TBCK: variants seen among roughly 807,000 people sequenced by gnomAD.
The protein encoded by TBCK is TBC domain-containing protein kinase-like protein.
TBCK carries 99 observed loss-of-function variants against 113.4 expected under a neutral mutation model. That is an observed-to-expected ratio of 0.87 (90% CI 0.74 to 1.03). The LOEUF is 1.03. Among genes scored for constraint, TBCK ranks in the 50% least tolerant of loss-of-function variants. The probability of loss-of-function intolerance (pLI) is 0.00; values close to 1 mark genes in which losing one functional copy is unlikely to be tolerated. For missense variants in TBCK, 1,045 were observed against 1,061.3 expected, an observed-to-expected ratio of 0.98 and a Z score of 0.21; for synonymous variants, 369 against 370.8, an observed-to-expected ratio of 1.00 and a Z score of 0.05.
chr4:106,228,605 A>G (rs909273567), intron 19 of TBCK, among the ~76,000 whole-genome samples: 1 of 152,004 alleles, frequency 6.6e-6, no homozygotes, highest in Non-Finnish European at 1.5e-5. Flanking sequence ...ATAGTACTCC[A>G]TTGTGTATTA....
At chr4:106,192,921 T>A (rs1441757496) in intron 22 of TBCK, among the ~76,000 whole-genome samples, 1 of 152,134 alleles carries the variant, frequency 6.6e-6, no homozygotes, top group Non-Finnish European at 1.5e-5. Context: ...GTGAAGTTTT[T>A]TCACCTAAAA....
At chr4:106,131,271 AT>A (rs1296363780) in intron 23 of TBCK, among the ~76,000 whole-genome samples, 8 of 152,196 alleles carry the variant, frequency 5.3e-5, no homozygotes, top group Middle Eastern at 3.2e-3. Flanking sequence ...TGTTTCCTTT[AT>A]AAATTACCCA....
intron 20 of TBCK, among the ~76,000 whole-genome samples, chr4:106,209,050 G>C (rs915530467): frequency 9.2e-5 from 14 of 152,330 alleles, no homozygotes; most frequent in African/African-American, 2.9e-4. Context: ...GGCCAAGTGA[G>C]ACATGGGCAG....
In TBCK at chr4:106,174,196, C is replaced by A. The variant is rs138009461; in HGVS notation, c.2060-2926G>T. Among the ~76,000 whole-genome samples the A allele has an allele frequency of 5.6e-3, 852 of 152,206 alleles. 10 individuals are homozygous for A. Among genetic ancestry groups the A allele is most frequent in the African/African-American group, 0.02 (822 of 41,546 alleles). On this transcript the variant is annotated intron_variant, in intron 22 of 25. Coordinates refer to ENST00000394708, the MANE Select transcript of TBCK (RefSeq NM_001163435.3). Reference sequence around the variant, plus strand: ...AACTTCTCTTTACCATTATCCAATTCTCTTAGGCTATCCCCTATATTTGAT... The same window carrying A: ...AACTTCTCTTTACCATTATCCAATTATCTTAGGCTATCCCCTATATTTGAT...
At chr4:106,273,727 T>C (rs1211567731) in intron 3 of TBCK, among the ~76,000 whole-genome samples, 1 of 152,232 alleles carries the variant, frequency 6.6e-6, no homozygotes, top group Non-Finnish European at 1.5e-5. Context: ...AGCCAAGGAA[T>C]GCCAACAGGC....
chr4:106,103,947 G>A (rs1345398302), intron 24 of TBCK, among the ~76,000 whole-genome samples: 1 of 152,162 alleles, frequency 6.6e-6, no homozygotes, highest in Admixed American at 6.5e-5. Context: ...GTGAATGAAC[G>A]GCCCCAGAAA....
intron 1 of TBCK, among the ~76,000 whole-genome samples, chr4:106,312,103 TA>T (rs1335719956): frequency 6.6e-6 from 1 of 152,094 alleles, no homozygotes; most frequent in Non-Finnish European, 1.5e-5. Context: ...AACATCTGCA[TA>T]TCCAAAGGCA....
chr4:106,215,720 T>C (rs1400682701), intron 19 of TBCK, among the ~76,000 whole-genome samples: 1 of 151,356 alleles, frequency 6.6e-6, no homozygotes, highest in Non-Finnish European at 1.5e-5. Flanking sequence ...ATAAAGCAAG[T>C]CCTGAGTGAC....
chr4:106,104,377 C>T (rs1741899402), intron 24 of TBCK, among the ~76,000 whole-genome samples: 1 of 152,238 alleles, frequency 6.6e-6, no homozygotes, highest in Non-Finnish European at 1.5e-5. Context: ...GACACCTTAG[C>T]CATTCCAGCC....
At chr4:106,152,859 A>C (rs1249376050) in intron 23 of TBCK, among the ~76,000 whole-genome samples, 3 of 152,010 alleles carry the variant, frequency 2.0e-5, no homozygotes, top group Non-Finnish European at 4.4e-5. Flanking sequence ...TTTCCAATTT[A>C]TTGGCATATA....
chr4:106,232,770 A>G (rs150393070), intron 17 of TBCK, among the ~76,000 whole-genome samples, 168 bp downstream of exon 17: 1 of 152,060 alleles, frequency 6.6e-6, no homozygotes, highest in Non-Finnish European at 1.5e-5. Flanking sequence ...GGATTTAGAC[A>G]AAGATTTTTA....
chr4:106,097,117 GTTA>G (rs1421201399), intron 24 of TBCK, among the ~76,000 whole-genome samples: 1 of 151,996 alleles, frequency 6.6e-6, no homozygotes, highest in Admixed American at 6.6e-5. Flanking sequence ...ATGTCATAAA[GTTA>G]TTATCCTATT....
chr4:106,247,424 A>C, intron 9 of TBCK, 137 bp from the exon 10 acceptor site: 1 of 702,386 alleles, frequency 1.4e-6, no homozygotes, highest in South Asian at 1.9e-5. Context: ...TCTTTTGCAG[A>C]GTCTAGATGC....
At chr4:106,064,054 G>A (rs1034248154) in intron 25 of TBCK, among the ~76,000 whole-genome samples, 2 of 151,860 alleles carry the variant, frequency 1.3e-5, no homozygotes, top group African/African-American at 4.8e-5. Context: ...GTAATGGGGA[G>A]CCGGGAGAGG....
Position 106,157,756 on chromosome 4 carries a change from T to C in TBCK, c.2235+13339A>G, listed in dbSNP as rs532655270. Among the ~76,000 whole-genome samples, 37 of 152,276 alleles carry C rather than the reference T, an allele frequency of 2.4e-4. No individual in the cohort carries two copies. In the South Asian group the frequency reaches 7.5e-3, roughly 31 times the overall value. On this transcript the variant is annotated intron_variant, in intron 23 of 25. Transcript: ENST00000394708. ...GACATGAAGTTAAAACCAGGTACTG[T>C]GAGTGCTCATCTAGTTTTTGGTTCT...
intron 24 of TBCK, among the ~76,000 whole-genome samples, chr4:106,108,660 G>A (rs957958030): frequency 6.6e-6 from 1 of 152,076 alleles, no homozygotes; most frequent in African/African-American, 2.4e-5. Context: ...TTATACTGAA[G>A]GGGCAAAAGC....
chr4:106,069,932 T>G (rs1377504387), intron 25 of TBCK, among the ~76,000 whole-genome samples: 1 of 152,058 alleles, frequency 6.6e-6, no homozygotes, highest in Non-Finnish European at 1.5e-5. Flanking sequence ...CACTCATGAT[T>G]TGGTTGTTTG....
intron 22 of TBCK, among the ~76,000 whole-genome samples, chr4:106,183,010 A>G (rs571601660): frequency 1.3e-5 from 2 of 152,236 alleles, no homozygotes; most frequent in Admixed American, 1.3e-4. Context: ...CAAGGAATAC[A>G]GCATAGAATG....
intron 2 of TBCK, 48 bp downstream of exon 2, chr4:106,308,720 G>A (rs371633844): frequency 7.3e-5 from 111 of 1,511,204 alleles, no homozygotes; most frequent in Non-Finnish European, 9.3e-5. Context: ...TATAACTTAG[G>A]GTAACAAAGT....
Sources: allele counts gnomAD v4.1 joint callset (sites outside exome capture counted in the v4.1 genomes callset), GRCh38; gene constraint gnomAD v4.1.1; transcripts MANE v1.5; gene names NCBI Gene and HGNC (gene_info 2026-07-23, HGNC 2026-07-21).